Variants in ARMH3 observed in about 807,000 individuals in gnomAD.
ARMH3 encodes the protein armadillo-like helical domain-containing protein 3.
In ARMH3, 60 loss-of-function variants were observed where a neutral mutation model predicts 99.1. The ratio of observed to expected loss-of-function variants is 0.61; its 90% confidence interval spans 0.49 to 0.75. The LOEUF (loss-of-function observed/expected upper bound fraction) is 0.75. ARMH3 is among the 30% of genes least tolerant of loss of function. ARMH3 has a pLI of 0.00. For synonymous variants in ARMH3, 285 were observed against 292.8 expected (o/e 0.97, Z 0.27); for missense variants, 679 against 843.1 (o/e 0.81, Z 2.41).
At chr10:102,036,636 G>A (rs199770887) in intron 2 of ARMH3, among the ~76,000 whole-genome samples, 9 of 151,982 alleles carry the variant, frequency 5.9e-5, no homozygotes, top group Non-Finnish European at 7.4e-5. Flanking sequence ...GATTAAGGGC[G>A]GTGCAAGATG....
Position 101,983,264 on chromosome 10 carries a change from T to C in ARMH3, c.1406+7287A>G, listed in dbSNP as rs575680162. 9.2e-5 allele frequency among the ~76,000 whole-genome samples: 14 copies of C among 152,300 alleles called. 1 individual carries two copies. Among genetic ancestry groups the C allele is most frequent in the South Asian group, 4.1e-4 (2 of 4,826 alleles). The stretch of plus-strand genomic sequence containing the variant: ...GGCTGAAGGTTAAGTTGATTACCAA[T>C]GGCCAGTGGTTTTTATTTTATTTTA... On this transcript the variant is annotated intron_variant, in intron 19 of 25. Coordinates refer to ENST00000370033, the MANE Select transcript of ARMH3 (RefSeq NM_024541.3).
chr10:101,915,049 T>TATTTG (rs1843022160), intron 23 of ARMH3, among the ~76,000 whole-genome samples: 1 of 152,090 alleles, frequency 6.6e-6, no homozygotes, highest in Non-Finnish European at 1.5e-5. Context: ...CATAGATGGC[T>TATTTG]ATTTGAGAGT....
intron 23 of ARMH3, among the ~76,000 whole-genome samples, chr10:101,915,023 A>G (rs1843020727): frequency 6.6e-6 from 1 of 152,192 alleles, no homozygotes; most frequent in Non-Finnish European, 1.5e-5. Flanking sequence ...GGATAAGAAA[A>G]TAAGAAACCA....
chr10:101,864,086 C>A (rs1200602979), intron 24 of ARMH3, among the ~76,000 whole-genome samples: 7 of 147,012 alleles, frequency 4.8e-5, no homozygotes, highest in East Asian at 2.0e-4. Context: ...AAAACACACA[C>A]ACACACACAC....
At chr10:101,931,811 G>A (rs140474630) in intron 23 of ARMH3, among the ~76,000 whole-genome samples, 6 of 152,248 alleles carry the variant, frequency 3.9e-5, no homozygotes, top group African/African-American at 1.4e-4. Flanking sequence ...AAAACTCTTA[G>A]AAGAAAACAT....
At chr10:101,975,377 C>T (rs180715838) in intron 19 of ARMH3, 77 bp from the exon 20 acceptor site, 3 of 1,163,964 alleles carry the variant, frequency 2.6e-6, no homozygotes, top group East Asian at 2.4e-5. Context: ...TCTTAGTGAG[C>T]CAGCTTTGCT....
At chr10:101,877,624 C>G (rs1156616674) in intron 24 of ARMH3, among the ~76,000 whole-genome samples, 3 of 151,788 alleles carry the variant, frequency 2.0e-5, no homozygotes, top group Non-Finnish European at 4.4e-5. Flanking sequence ...CCACTGCACT[C>G]CAGCCTGGGT....
At chr10:102,045,015 A>C (rs1430707900) in intron 1 of ARMH3, among the ~76,000 whole-genome samples, 1 of 151,818 alleles carries the variant, frequency 6.6e-6, no homozygotes, top group East Asian at 1.9e-4. Flanking sequence ...GGGAGCCTGT[A>C]ATCCCAGATA....
At chr10:101,911,698 T>C (rs1175494775) in intron 23 of ARMH3, among the ~76,000 whole-genome samples, 2 of 152,266 alleles carry the variant, frequency 1.3e-5, no homozygotes, top group East Asian at 3.9e-4. Flanking sequence ...ATCACTGCAC[T>C]CAAGCCTGAG....
intron 23 of ARMH3, among the ~76,000 whole-genome samples, chr10:101,916,783 A>G (rs1020961988): frequency 6.6e-6 from 1 of 152,198 alleles, no homozygotes; most frequent in Non-Finnish European, 1.5e-5. Flanking sequence ...AGCAGCCATC[A>G]TCTAGTCTGT....
intron 23 of ARMH3, among the ~76,000 whole-genome samples, chr10:101,923,066 A>T (rs1843365768): frequency 6.6e-6 from 1 of 152,138 alleles, no homozygotes; most frequent in African/African-American, 2.4e-5. Context: ...CTCTCATTAA[A>T]CCTCTTACAA....
chr10:101,904,117 A>C (rs2068043779), intron 23 of ARMH3, among the ~76,000 whole-genome samples: 1 of 152,182 alleles, frequency 6.6e-6, no homozygotes, highest in African/African-American at 2.4e-5. Flanking sequence ...AACCACACTG[A>C]CGACACTAAA....
intron 24 of ARMH3, among the ~76,000 whole-genome samples, chr10:101,872,655 T>C (rs1039535255): frequency 5.3e-5 from 8 of 151,826 alleles, no homozygotes; most frequent in African/African-American, 1.9e-4. Context: ...AAACTAATAA[T>C]ATTAAAAAGT....
chr10:101,847,777 A>C (rs2066496670), intron 25 of ARMH3, among the ~76,000 whole-genome samples, 157 bp from the exon 26 acceptor site: 2 of 152,230 alleles, frequency 1.3e-5, no homozygotes, highest in Admixed American at 6.5e-5. Flanking sequence ...CCTGCAGGCA[A>C]ATGAGCAAAC....
At chr10:101,971,122 A>G (rs2135899676) in intron 20 of ARMH3, among the ~76,000 whole-genome samples, 1 of 151,294 alleles carries the variant, frequency 6.6e-6, no homozygotes, top group South Asian at 2.1e-4. Flanking sequence ...AAAAAAGCAA[A>G]CATAGCAAAA....
At chr10:101,935,967 G>T (rs1184657711) in intron 23 of ARMH3, among the ~76,000 whole-genome samples, 1 of 152,106 alleles carries the variant, frequency 6.6e-6, no homozygotes, top group Non-Finnish European at 1.5e-5. Flanking sequence ...TAGTGTCATG[G>T]GTATATAACA....
At position 102,012,739 on chromosome 10, in the gene ARMH3, G is replaced by A; in HGVS notation, c.770+94C>T. ...TGTACATCTGAATACTCTTAGACTA[G>A]GTAAGGGAATTTGACCCAAGAACTC... is the stretch of plus-strand genomic sequence containing the variant. On this transcript the variant is annotated intron_variant, in intron 10 of 25. Transcript: ENST00000370033. The A allele has an allele frequency of 2.5e-6, 3 of 1,220,576 alleles. No individual in the cohort carries two copies. The South Asian group carries it at 4.2e-5, about 17-fold the overall frequency. The allele number at this position is 1,220,576 out of a possible 1,614,324, so 75.6% of individuals were successfully genotyped here.
chr10:101,863,979 T>G, intron 24 of ARMH3, among the ~76,000 whole-genome samples: 1 of 149,742 alleles, frequency 6.7e-6, no homozygotes, highest in East Asian at 2.0e-4. Flanking sequence ...GAGAATCACT[T>G]GAACCCAGTA....
chr10:101,847,442 G>C lies in ARMH3; in HGVS notation c.*86C>G, dbSNP rs1182841199. On this transcript the variant is annotated 3_prime_UTR_variant, in exon 26 of 26. Coordinates refer to ENST00000370033, the MANE Select transcript of ARMH3 (RefSeq NM_024541.3). The stretch of plus-strand genomic sequence containing the variant: ...TATCTGTGTTTCTCTCCAACCTCGG[G>C]GGCAGCCCCCTCTCCCCTCGCTCCC... 2.9e-6 allele frequency: 4 copies of C among 1,371,628 alleles called. No homozygotes were observed. The highest frequency in any genetic ancestry group is 3.4e-5 in the Admixed American group (2 of 58,348). The allele number at this position is 1,371,628 out of a possible 1,614,324, so 85.0% of individuals were successfully genotyped here.
Sources: allele counts gnomAD v4.1 joint callset (sites outside exome capture counted in the v4.1 genomes callset), GRCh38; gene constraint gnomAD v4.1.1; transcripts MANE v1.5; gene names NCBI Gene and HGNC (gene_info 2026-07-23, HGNC 2026-07-21).